The following ELL variants were observed in gnomAD, a reference collection of about 807,000 sequenced individuals.
The protein encoded by ELL is elongation factor for RNA polymerase II, also known as RNA polymerase II elongation factor ELL.
Under a neutral mutation model 64.0 loss-of-function variants are expected in ELL, and 18 were observed. That is an observed-to-expected ratio of 0.28 (90% CI 0.19 to 0.42). The LOEUF is 0.42. Ranked by LOEUF, ELL falls within the 10% of genes least tolerant of loss-of-function variation. The probability of loss-of-function intolerance (pLI) is 1.00; values close to 1 mark genes in which losing one functional copy is unlikely to be tolerated. For synonymous variants in ELL, 399 were observed against 376.2 expected, an observed-to-expected ratio of 1.06 and a Z score of -0.70; for missense variants, 797 against 870.4, an observed-to-expected ratio of 0.92 and a Z score of 1.06.
At chr19:18,491,995 C>T (rs1287342615) in intron 1 of ELL, among the ~76,000 whole-genome samples, 1 of 152,194 alleles carries the variant, frequency 6.6e-6, no homozygotes, top group Non-Finnish European at 1.5e-5. Flanking sequence ...TTTGAGAGCC[C>T]TGACCAATAC....
At position 18,446,811 on chromosome 19, in the gene ELL, A is replaced by G. The variant is rs1438777032; in HGVS notation, c.1469T>C (p.Leu490Ser). 1 of 1,613,952 alleles carries G rather than the reference A, an allele frequency of 6.2e-7. No homozygotes were observed. The highest frequency in any genetic ancestry group is 8.5e-7 in the Non-Finnish European group (1 of 1,180,018). Residue 490 changes from leucine (L) to serine (S), a missense_variant, in exon 9 of 12, where the codon TTA (leucine) becomes TCA (serine). Coordinates refer to ENST00000262809, the MANE Select transcript of ELL (RefSeq NM_006532.4). ...TPGAPADTPG[L>S]NGTCSVSSVP... ...ACTGGAAACGCTGCAGGTTCCGTTT[A>G]AACCTACGAGAGCAAACACATACCT...
chr19:18,502,193 T>A (rs960362120), intron 1 of ELL, among the ~76,000 whole-genome samples: 1 of 152,038 alleles, frequency 6.6e-6, no homozygotes, highest in Non-Finnish European at 1.5e-5. Flanking sequence ...AGATAGCCCA[T>A]TGAGGACGCA....
chr19:18,516,443 C>T (rs1028506397), intron 1 of ELL, among the ~76,000 whole-genome samples: 4 of 152,204 alleles, frequency 2.6e-5, no homozygotes, highest in East Asian at 1.9e-4. Context: ...CGTTGACCGC[C>T]GGTGAGTTAC....
chr19:18,505,556 G>T (rs973213219), intron 1 of ELL, among the ~76,000 whole-genome samples: 5 of 152,180 alleles, frequency 3.3e-5, no homozygotes, highest in African/African-American at 1.2e-4. Flanking sequence ...CAGTAACGCA[G>T]GCTCCTTACT....
intron 1 of ELL, among the ~76,000 whole-genome samples, chr19:18,484,718 ACCTGTGCT>A (rs1215417443): frequency 6.6e-6 from 1 of 152,110 alleles, no homozygotes; most frequent in Non-Finnish European, 1.5e-5. Context: ...TTTTGCCTCC[ACCTGTGCT>A]CCTCAAGAGG....
chr19:18,473,213 T>C, intron 1 of ELL: 1 of 601,440 alleles, frequency 1.7e-6, no homozygotes. Flanking sequence ...CACCAGCCTG[T>C]GAATCCACCG....
chr19:18,512,828 G>A (rs993244335), intron 1 of ELL, among the ~76,000 whole-genome samples: 1 of 152,172 alleles, frequency 6.6e-6, no homozygotes, highest in African/African-American at 2.4e-5. Flanking sequence ...GCAGCCTGGA[G>A]CCCCAAATTG....
intron 1 of ELL, among the ~76,000 whole-genome samples, chr19:18,483,692 T>G (rs950139525): frequency 1.3e-5 from 2 of 152,150 alleles, no homozygotes; most frequent in African/African-American, 4.8e-5. Context: ...TCACAACTTA[T>G]CCAACCTCAC....
chr19:18,509,599 A>AGCGCG (rs1568399753), intron 1 of ELL, among the ~76,000 whole-genome samples: 362 of 9,482 alleles, frequency 0.038, 8 homozygotes, highest in Admixed American at 0.045. Flanking sequence ...GCGCGCACAT[A>AGCGCG]CACACACACA....
In ELL at chr19:18,446,410, C is replaced by G. The variant is rs1466072136; in HGVS notation, c.1603G>C (p.Glu535Gln). 1.2e-6 allele frequency: 2 copies of G among 1,612,500 alleles called. No individual in the cohort carries two copies. The highest frequency in any genetic ancestry group is 1.7e-6 in the Non-Finnish European group (2 of 1,179,912). ...YKNDFNAEYSEYRDLHARIER... is the reference protein window; with the variant it reads ...YKNDFNAEYSQYRDLHARIER... ...ATGCGGGCGTGCAGGTCGCGGTACTCGCTGTACTCGGCATTGAAGTCGTTC... is the reference window on the plus strand; with the variant it reads ...ATGCGGGCGTGCAGGTCGCGGTACTGGCTGTACTCGGCATTGAAGTCGTTC... Residue 535 changes from glutamate to glutamine, a missense_variant, in exon 10 of 12, where the codon GAG becomes CAG. Transcript: ENST00000262809.
chr19:18,503,673 G>A (rs1251490959), intron 1 of ELL, among the ~76,000 whole-genome samples: 2 of 152,178 alleles, frequency 1.3e-5, no homozygotes, highest in African/African-American at 4.8e-5. Flanking sequence ...TGGTGGGAAG[G>A]GACGGGACCT....
At chr19:18,469,471 C>T (rs1367735119) in intron 2 of ELL, among the ~76,000 whole-genome samples, 1 of 152,252 alleles carries the variant, frequency 6.6e-6, no homozygotes, top group Non-Finnish European at 1.5e-5. Flanking sequence ...GCAGCCCCTG[C>T]TCAGCCTTCT....
chr19:18,486,250 G>A (rs923156724), intron 1 of ELL, among the ~76,000 whole-genome samples: 45 of 152,172 alleles, frequency 3.0e-4, no homozygotes, highest in African/African-American at 9.9e-4. Flanking sequence ...CCCCAAGGGC[G>A]GTCAGTGTCA....
intron 1 of ELL, among the ~76,000 whole-genome samples, chr19:18,484,494 A>G (rs1975370386): frequency 6.6e-6 from 1 of 152,170 alleles, no homozygotes; most frequent in African/African-American, 2.4e-5. Flanking sequence ...TTTAAAAATT[A>G]GCCAGGTGTG....
At chr19:18,454,235 C>T (rs1419127312) in intron 6 of ELL, among the ~76,000 whole-genome samples, 1 of 152,220 alleles carries the variant, frequency 6.6e-6, no homozygotes, top group Non-Finnish European at 1.5e-5. Flanking sequence ...CCCGATGGCT[C>T]ACGCCTGTAA....
At chr19:18,497,034 C>T (rs1007113151) in intron 1 of ELL, among the ~76,000 whole-genome samples, 1 of 152,214 alleles carries the variant, frequency 6.6e-6, no homozygotes, top group Non-Finnish European at 1.5e-5. Context: ...AATAATTGCA[C>T]GCCTTGGTAT....
At chr19:18,474,373 C>A (rs1975132318) in intron 1 of ELL, among the ~76,000 whole-genome samples, 1 of 152,196 alleles carries the variant, frequency 6.6e-6, no homozygotes, top group South Asian at 2.1e-4. Flanking sequence ...ACCAGGAGCC[C>A]CCTTCTTTGC....
Position 18,443,418 on chromosome 19 carries a change from T to C in ELL, c.*1334A>G. The C allele has an allele frequency of 4.3e-6, 1 of 233,202 alleles. No individual in the cohort carries two copies. Among genetic ancestry groups the C allele is most frequent in the East Asian group, 6.0e-5 (1 of 16,554 alleles). The allele number at this position is 233,202 out of a possible 1,614,324, so 14.4% of individuals were successfully genotyped here. On this transcript the variant is annotated 3_prime_UTR_variant, in exon 12 of 12. Coordinates refer to ENST00000262809, the MANE Select transcript of ELL (RefSeq NM_006532.4). ...AGACATCTGTATTTTTGCATTTCTGTTCTCCCTGCCTGACTGCTGATGGCA... is the reference window on the plus strand; with the variant it reads ...AGACATCTGTATTTTTGCATTTCTGCTCTCCCTGCCTGACTGCTGATGGCA...
At chr19:18,460,030 C>T (rs750766199) in intron 5 of ELL, among the ~76,000 whole-genome samples, 5 of 152,170 alleles carry the variant, frequency 3.3e-5, no homozygotes, top group Non-Finnish European at 7.3e-5. Flanking sequence ...ATTACTCAGC[C>T]GTCAACACCC....
Sources: allele counts gnomAD v4.1 joint callset (sites outside exome capture counted in the v4.1 genomes callset), GRCh38; gene constraint gnomAD v4.1.1; transcripts MANE v1.5; gene names NCBI Gene and HGNC (gene_info 2026-07-23, HGNC 2026-07-21).